The following NAPG variants were observed in gnomAD, a reference collection of about 807,000 sequenced individuals.
NAPG encodes NSF attachment protein gamma.
NAPG carries 25 observed loss-of-function variants against 48.4 expected under a neutral mutation model. That is an observed-to-expected ratio of 0.52 (90% CI 0.38 to 0.72). The LOEUF (loss-of-function observed/expected upper bound fraction) is 0.72, where lower values mean the gene tolerates loss of function less well. NAPG is among the 30% of genes least tolerant of loss of function. The pLI, the probability that NAPG is intolerant of heterozygous loss-of-function variation, is 0.00. For synonymous variants in NAPG, 139 were observed against 127.2 expected, an observed-to-expected ratio of 1.09 and a Z score of -0.62; for missense variants, 359 against 372.5, an observed-to-expected ratio of 0.96 and a Z score of 0.30.
chr18:10,530,962 C>T (rs2031917007), intron 2 of NAPG, 125 bp downstream of exon 2: 1 of 748,624 alleles, frequency 1.3e-6, no homozygotes, highest in Non-Finnish European at 1.9e-6. Context: ...ACAAACAAAA[C>T]AACTGTGCAA....
rs1022042762 is a variant in NAPG, at chr18:10,546,077, G to A, written c.507-249G>A. Among the ~76,000 whole-genome samples, 2 of 152,194 alleles carry A rather than the reference G, an allele frequency of 1.3e-5. No homozygotes were observed. The highest frequency in any genetic ancestry group is 4.8e-5 in the African/African-American group (2 of 41,436). On this transcript the variant is annotated intron_variant, in intron 8 of 11. Coordinates refer to ENST00000322897, the MANE Select transcript of NAPG (RefSeq NM_003826.3). The surrounding 1 kb of genome is among the most constrained non-coding windows in gnomAD (Gnocchi z 4.0). ...GTCCTTACTAAGCTTAAAACTCCCC[G>A]TTTGACCTAACCCATCCTTGAGTTC...
intron 8 of NAPG, among the ~76,000 whole-genome samples, chr18:10,541,032 T>C (rs2032145861): frequency 6.6e-6 from 1 of 152,174 alleles, no homozygotes. Flanking sequence ...TGTCCAAAGC[T>C]TCCCAGTAAC....
chr18:10,538,485 A>G (rs1178254978), intron 5 of NAPG, among the ~76,000 whole-genome samples: 1 of 152,254 alleles, frequency 6.6e-6, no homozygotes, highest in Non-Finnish European at 1.5e-5. Flanking sequence ...GAAGTGAGAT[A>G]GAGTCATTGG....
rs187764637 is a variant in NAPG at position 10,529,203 on chromosome 18, A to C, written c.57-1567A>C. On this transcript the variant is annotated intron_variant, in intron 1 of 11. Coordinates refer to ENST00000322897, the MANE Select transcript of NAPG (RefSeq NM_003826.3). ...TTGTATCTTGTTTTTAGTGGGATTA[A>C]AAAAATTATGTTAATATACAGAATG... Among the ~76,000 whole-genome samples, 320 of 152,304 alleles carry C rather than the reference A, an allele frequency of 2.1e-3. 4 individuals are homozygous for C. The highest frequency in any genetic ancestry group is 0.018 in the Admixed American group (269 of 15,300).
At position 10,550,406 on chromosome 18, in the gene NAPG, C is replaced by G. The variant is rs931330194; in HGVS notation, c.*186C>G. ...TGTATCCATTACCTGTGAAGCATAT[C>G]TTTTTCTTTCCATAAGAGCTTTTCT... On this transcript the variant is annotated 3_prime_UTR_variant, in exon 12 of 12. Coordinates refer to ENST00000322897, the MANE Select transcript of NAPG (RefSeq NM_003826.3). The G allele has an allele frequency of 1.9e-6, 1 of 523,888 alleles. No individual in the cohort carries two copies. 32.5% of individuals were successfully genotyped at this position (523,888 alleles called of 1,614,324 possible).
Position 10,546,936 on chromosome 18 carries a change from C to T in NAPG, c.585+532C>T, listed in dbSNP as rs1385373244. On this transcript the variant is annotated intron_variant, in intron 9 of 11. Coordinates refer to ENST00000322897, the MANE Select transcript of NAPG (RefSeq NM_003826.3). The surrounding 1 kb of genome is among the most constrained non-coding windows in gnomAD (Gnocchi z 4.0). ...ATGATGGCTCAGGTTGATAAAACTC[C>T]ACAAGGACCCCAGTCTCTTTTGCCA... Among the ~76,000 whole-genome samples the T allele has an allele frequency of 1.3e-5, 2 of 152,190 alleles. No homozygotes were observed. Among genetic ancestry groups the T allele is most frequent in the South Asian group, 2.1e-4 (1 of 4,824 alleles).
At position 10,546,431 on chromosome 18, in the gene NAPG, G is replaced by T. The variant is rs1426320488; in HGVS notation, c.585+27G>T. ...TATTCTTTGAAAGTGTTTGTTTTTG[G>T]TATTACATTAGATGATTTTTTATAC... On this transcript the variant is annotated intron_variant, in intron 9 of 11. Coordinates refer to ENST00000322897, the MANE Select transcript of NAPG (RefSeq NM_003826.3). This position sits in a 1 kb window ranked among gnomAD's most constrained non-coding sequence, Gnocchi z 4.0. 1.5e-6 allele frequency: 2 copies of T among 1,353,210 alleles called. No individual in the cohort carries two copies. The highest frequency in any genetic ancestry group is 2.0e-6 in the Non-Finnish European group (2 of 980,598). The allele number at this position is 1,353,210 out of a possible 1,614,324, so 83.8% of individuals were successfully genotyped here.
intron 1 of NAPG, among the ~76,000 whole-genome samples, chr18:10,528,997 T>C (rs1255447573): frequency 6.6e-6 from 1 of 152,238 alleles, no homozygotes; most frequent in Non-Finnish European, 1.5e-5. Context: ...TGGAAATTGG[T>C]CAGTTTCCTT....
Position 10,539,631 on chromosome 18 carries a change from TAACA to T in NAPG, c.259-127_259-124del. On this transcript the variant is annotated intron_variant, in intron 5 of 11. Transcript: ENST00000322897. The surrounding 1 kb of genome is among the most constrained non-coding windows in gnomAD (Gnocchi z 4.7). ...CCACCATGGGACATGTATACCTATG[TAACA>T]AACCTGCACATTCTGCACATGTGTC... The T allele has an allele frequency of 8.0e-6, 6 of 746,256 alleles. No homozygotes were observed. The highest frequency in any genetic ancestry group is 1.3e-5 in the Non-Finnish European group (6 of 445,252). The allele number at this position is 746,256 out of a possible 1,614,324, so 46.2% of individuals were successfully genotyped here. A position where few individuals can be genotyped will look rare whatever the true frequency, so the allele number is the denominator to read the frequency against.
chr18:10,540,172 G>T, intron 7 of NAPG, 118 bp downstream of exon 7: 1 of 1,066,542 alleles, frequency 9.4e-7, no homozygotes, highest in Non-Finnish European at 1.4e-6. Context: ...ACAGTTGCAC[G>T]CTATTTCTTT....
In NAPG at chr18:10,534,527, A is replaced by G. The variant is rs182280482; in HGVS notation, c.258+31A>G. The G allele has an allele frequency of 7.5e-6, 12 of 1,607,844 alleles. No homozygotes were observed. In the African/African-American group the frequency reaches 1.1e-4, roughly 14 times the overall value. On this transcript the variant is annotated intron_variant, in intron 5 of 11. Coordinates refer to ENST00000322897, the MANE Select transcript of NAPG (RefSeq NM_003826.3). This position sits in a 1 kb window ranked among gnomAD's most constrained non-coding sequence, Gnocchi z 5.0. ...TAATGTTATGTCACAATTGTTGTGT[A>G]GGTAAAATGAATTAACTACAAGGTG...
In NAPG at chr18:10,550,174, C is replaced by T. The variant is rs79464102; in HGVS notation, c.893C>T (p.Thr298Met). The T allele has an allele frequency of 2.4e-5, 38 of 1,587,458 alleles. No homozygotes were observed. The East Asian group carries it at 2.6e-4, about 11-fold the overall frequency. Reference sequence around the variant, plus strand: ...GCCAAGCCTGATGGTGTCACTGCCACGGCTGCTGATGAAGAGGAAGATGAA... The same window carrying T: ...GCCAAGCCTGATGGTGTCACTGCCATGGCTGCTGATGAAGAGGAAGATGAA... ...PQAKPDGVTA[T>M]AADEEEDEYS... The change falls in exon 12 of 12, where the codon ACG becomes ATG. Residue 298 changes from threonine to methionine, a missense_variant. By Grantham distance (81) the Thr-to-Met change is moderately conservative. Transcript: ENST00000322897.
In NAPG at chr18:10,528,726, G is replaced by C. The variant is rs543180205; in HGVS notation, c.57-2044G>C. Reference sequence around the variant, plus strand: ...GGAGAGGCCTTCAGCCAAGATAGGGGATATAGATTAATGGATGTGATTGGT... The same window carrying C: ...GGAGAGGCCTTCAGCCAAGATAGGGCATATAGATTAATGGATGTGATTGGT... On this transcript the variant is annotated intron_variant, in intron 1 of 11. Coordinates refer to ENST00000322897, the MANE Select transcript of NAPG (RefSeq NM_003826.3). 3.9e-5 allele frequency among the ~76,000 whole-genome samples: 6 copies of C among 151,966 alleles called. No homozygotes were observed. In the South Asian group the frequency reaches 6.3e-4, roughly 16 times the overall value.
chr18:10,548,433 A>G lies in NAPG; in HGVS notation c.665+55A>G. On this transcript the variant is annotated intron_variant, in intron 10 of 11. Coordinates refer to ENST00000322897, the MANE Select transcript of NAPG (RefSeq NM_003826.3). The surrounding 1 kb of genome is among the most constrained non-coding windows in gnomAD (Gnocchi z 4.4). ...GCAGTGGCGACACCTCTGTGTCTAC[A>G]ACTAAGATTGCTGCTAGGACACATG... is the stretch of plus-strand genomic sequence containing the variant. 3.6e-6 allele frequency: 5 copies of G among 1,371,596 alleles called. No homozygotes were observed. The highest frequency in any genetic ancestry group is 1.2e-5 in the South Asian group (1 of 84,818). The allele number at this position is 1,371,596 out of a possible 1,614,324, so 85.0% of individuals were successfully genotyped here.
chr18:10,526,410 G>A, intron 1 of NAPG: 1 of 530,574 alleles, frequency 1.9e-6, no homozygotes, highest in Non-Finnish European at 3.3e-6. Flanking sequence ...CGGTGTGGGC[G>A]GGGACTCGGC....
At chr18:10,536,503 G>T (rs2032036003) in intron 5 of NAPG, among the ~76,000 whole-genome samples, 1 of 152,198 alleles carries the variant, frequency 6.6e-6, no homozygotes, top group Non-Finnish European at 1.5e-5. Flanking sequence ...TATCCTGTTT[G>T]CTCCACTGGC....
chr18:10,533,460 C>A, intron 3 of NAPG, 76 bp from the exon 4 acceptor site: 3 of 1,343,250 alleles, frequency 2.2e-6, no homozygotes, highest in South Asian at 1.3e-5. Flanking sequence ...AGTTAACTGT[C>A]TTTAAATAGT....
chr18:10,530,774 A>G lies in NAPG; in HGVS notation c.61A>G (p.Lys21Glu). 1.3e-6 allele frequency: 2 copies of G among 1,570,726 alleles called. No homozygotes were observed. Among genetic ancestry groups the G allele is most frequent in the South Asian group, 1.2e-5 (1 of 83,536 alleles). The part of the protein sequence containing the change: ...EHLAKAEKYL[K>E]TGFLKWKPDY... ...ACTGTGTTTTTTTCATTCTAGCCTG[A>G]AAACTGGTTTTTTAAAATGGAAGCC... The change falls in exon 2 of 12, where the codon AAA becomes GAA. Residue 21 changes from lysine (K) to glutamate (E), a missense_variant. Transcript: ENST00000322897.
Position 10,544,360 on chromosome 18 carries a change from G to A in NAPG, c.507-1966G>A, listed in dbSNP as rs376558956. ...AGGGTCTCACCAGGCCGAAATGAAG[G>A]TGTCGGAGGGGGCTGATCTCACCGG... is the stretch of plus-strand genomic sequence containing the variant. On this transcript the variant is annotated intron_variant, in intron 8 of 11. Transcript: ENST00000322897. The surrounding 1 kb of genome is among the most constrained non-coding windows in gnomAD (Gnocchi z 5.1). 5.3e-5 allele frequency among the ~76,000 whole-genome samples: 8 copies of A among 152,222 alleles called. No homozygotes were observed. The East Asian group carries it at 1.5e-3, about 29-fold the overall frequency.
Sources: gnomAD v4.1 joint callset for allele counts (sites outside exome capture counted in the v4.1 genomes callset) on GRCh38, gnomAD v4.1.1 for gene constraint, Gnocchi (gnomAD v3.1) non-coding constraint, MANE v1.5 for transcripts, NCBI Gene and HGNC (gene_info 2026-07-23, HGNC 2026-07-21) for gene names.